The following AXL variants were observed in gnomAD, a reference collection of about 807,000 sequenced individuals.
The protein encoded by AXL is tyrosine-protein kinase receptor UFO.
Under a neutral mutation model 104.5 loss-of-function variants are expected in AXL, and 52 were observed. The ratio of observed to expected loss-of-function variants is 0.50; its 90% CI spans 0.40 to 0.63. The LOEUF is 0.63. AXL is among the 20% of genes least tolerant of loss of function. AXL has a pLI of 0.00. For synonymous variants in AXL, 455 were observed against 473.7 expected (o/e 0.96, Z 0.51); for missense variants, 1,024 against 1,188.5 (o/e 0.86, Z 2.04).
At chr19:41,235,374 ATAGATAGATAGATAG>A (rs541591352) in intron 6 of AXL, among the ~76,000 whole-genome samples, 14,971 of 134,552 alleles carry the variant, frequency 0.11, 851 homozygotes, top group Non-Finnish European at 0.13. Context: ...AAATAAATAG[ATAGATAGATAGATAG>A]ATAGATAGAT....
rs144975771 is a variant in AXL, at chr19:41,244,451, A to T, written c.1537+744A>T. ...ATCTCCTCGTTTAACCCTCAGAGCA[A>T]CCCAAGGACACGGGTTTCTTTTTTC... On this transcript the variant is annotated intron_variant, in intron 12 of 19. Transcript: ENST00000301178. Among the ~76,000 whole-genome samples, 1,026 of 151,320 alleles carry T rather than the reference A, an allele frequency of 6.8e-3. 12 individuals are homozygous for T. The highest frequency in any genetic ancestry group is 0.023 in the African/African-American group (962 of 41,270).
chr19:41,222,923 AAAG>A (rs1482075667), intron 4 of AXL, among the ~76,000 whole-genome samples: 4 of 150,602 alleles, frequency 2.7e-5, no homozygotes, highest in African/African-American at 9.8e-5. Context: ...AAAAAAAAAA[AAAG>A]AAAGTGGGAG....
At chr19:41,227,508 C>T (rs2033903491) in intron 4 of AXL, among the ~76,000 whole-genome samples, 1 of 141,496 alleles carries the variant, frequency 7.1e-6, no homozygotes, top group Non-Finnish European at 1.5e-5. Flanking sequence ...TTTTTTTAGA[C>T]AGAGTCTCTC....
rs144179986 is a variant in AXL at position 41,248,573 on chromosome 19, C to T, written c.1597C>T (p.Arg533Trp). The T allele has an allele frequency of 1.7e-4, 282 of 1,613,948 alleles. No individual in the cohort carries two copies. The highest frequency in any genetic ancestry group is 2.3e-4 in the African/African-American group (17 of 74,884). ...KEKLRDVMVD[R>W]HKVALGKTLG... is the part of the protein sequence containing the mutation. ...GAAGCTGCGGGATGTGATGGTGGAC[C>T]GGCACAAGGTGGCCCTGGGGAAGAC... The change falls in exon 13 of 20, where the codon CGG becomes TGG. Residue 533 changes from arginine (R) to tryptophan (W), a missense_variant. Arg to Trp is a moderately radical substitution (Grantham distance 101, BLOSUM62 -3). Around this residue, in one of 5 missense-constraint regions of AXL, gnomAD observed 523 missense variants for 636.0 expected, o/e 0.82. Coordinates refer to ENST00000301178, the MANE Select transcript of AXL (RefSeq NM_021913.5).
At chr19:41,230,517 T>C (rs74388568) in intron 4 of AXL, among the ~76,000 whole-genome samples, 16,767 of 151,080 alleles carry the variant, frequency 0.11, 1,583 homozygotes, top group African/African-American at 0.25. Flanking sequence ...TGTGGCTGTG[T>C]GTCTTTGTGT....
chr19:41,235,600 C>T (rs986474614), intron 6 of AXL, among the ~76,000 whole-genome samples: 3 of 152,170 alleles, frequency 2.0e-5, no homozygotes, highest in Non-Finnish European at 4.4e-5. Context: ...CTAGGCTAAA[C>T]TGCCTCTGTG....
chr19:41,230,548 G>C (rs75242197), intron 4 of AXL, among the ~76,000 whole-genome samples: 16,730 of 151,044 alleles, frequency 0.11, 1,568 homozygotes, highest in African/African-American at 0.25. Context: ...CTGTGTGTCT[G>C]TGTGTATGAG....
intron 4 of AXL, among the ~76,000 whole-genome samples, chr19:41,228,404 A>G (rs1454980100): frequency 2.0e-5 from 3 of 152,088 alleles, no homozygotes; most frequent in African/African-American, 7.2e-5. Context: ...AATTACAAAA[A>G]TTAGCCGGGC....
chr19:41,257,571 T>G lies in AXL; in HGVS notation c.2275T>G (p.Tyr759Asp). 6.2e-7 allele frequency: 1 copy of G among 1,614,166 alleles called. No homozygotes were observed. Among genetic ancestry groups the G allele is most frequent in the Non-Finnish European group, 8.5e-7 (1 of 1,180,034 alleles). Residue 759 changes from tyrosine (Y) to aspartate (D), a missense_variant, in exon 19 of 20, where the codon TAT becomes GAT. By Grantham distance (160) the Tyr-to-Asp change is radical. Transcript: ENST00000301178. ...TCCGGGCGTGGAGAACAGCGAGATT[T>G]ATGACTATCTGCGCCAGGGAAATCG... ...PYPGVENSEI[Y>D]DYLRQGNRLK...
chr19:41,224,324 C>A (rs1225155713), intron 4 of AXL, among the ~76,000 whole-genome samples: 1 of 151,982 alleles, frequency 6.6e-6, no homozygotes, highest in African/African-American at 2.4e-5. Flanking sequence ...TGTTCCCTTG[C>A]AGAATCAGAA....
intron 4 of AXL, among the ~76,000 whole-genome samples, chr19:41,223,830 C>T (rs1184031362): frequency 6.6e-6 from 1 of 151,862 alleles, no homozygotes; most frequent in Admixed American, 6.6e-5. Context: ...GTGTGAGGAT[C>T]TGTGCATGTC....
intron 4 of AXL, among the ~76,000 whole-genome samples, chr19:41,222,496 C>A (rs900993271): frequency 1.3e-5 from 2 of 152,184 alleles, no homozygotes; most frequent in African/African-American, 4.8e-5. Flanking sequence ...CTCCGCCTCC[C>A]TCCACAACCG....
intron 8 of AXL, 143 bp from the exon 9 acceptor site, chr19:41,239,021 G>GA (rs1271199259): frequency 1.9e-5 from 18 of 946,010 alleles, no homozygotes; most frequent in African/African-American, 6.6e-5. Flanking sequence ...GAGGATGAGA[G>GA]ATGAAGGGGA....
chr19:41,231,704 A>G (rs1434611777), intron 6 of AXL, among the ~76,000 whole-genome samples: 1 of 152,148 alleles, frequency 6.6e-6, no homozygotes, highest in East Asian at 1.9e-4. Flanking sequence ...AGGTGGGCGG[A>G]TCACTTGAGG....
intron 6 of AXL, among the ~76,000 whole-genome samples, chr19:41,235,374 ATAGATAG>A (rs2034061188): frequency 1.3e-4 from 18 of 134,596 alleles, no homozygotes; most frequent in African/African-American, 4.5e-4. Context: ...AAATAAATAG[ATAGATAG>A]ATAGATAGAT....
chr19:41,260,363 G>A lies in AXL; in HGVS notation c.*459G>A. 6.7e-6 allele frequency: 1 copy of A among 149,140 alleles called. No individual in the cohort carries two copies. The highest frequency in any genetic ancestry group is 1.3e-5 in the Non-Finnish European group (1 of 75,066). The allele number at this position is 149,140 out of a possible 1,614,324, so 9.2% of individuals were successfully genotyped here. The stretch of plus-strand genomic sequence containing the variant: ...GTCTCACTGTGTCACCCAGGCTGGA[G>A]TGCAGTGGTGCAATCTCGCCTCACT... On this transcript the variant is annotated 3_prime_UTR_variant, in exon 20 of 20. Coordinates refer to ENST00000301178, the MANE Select transcript of AXL (RefSeq NM_021913.5).
intron 6 of AXL, among the ~76,000 whole-genome samples, chr19:41,233,867 G>A (rs933594868): frequency 2.0e-5 from 3 of 151,912 alleles, no homozygotes; most frequent in Non-Finnish European, 4.4e-5. Flanking sequence ...CCCCAGGAAA[G>A]CAGAAGTGTG....
rs1055125104 is a variant in AXL at position 41,260,735 on chromosome 19, G to T, written c.*831G>T. On this transcript the variant is annotated 3_prime_UTR_variant, in exon 20 of 20. Coordinates refer to ENST00000301178, the MANE Select transcript of AXL (RefSeq NM_021913.5). ...TAAGATTCTGATTTTAGGAGCTAAG[G>T]CTCTATGAGTCTAGATGTTTATTCT... The T allele has an allele frequency of 3.3e-5, 5 of 152,156 alleles. No homozygotes were observed. The highest frequency in any genetic ancestry group is 6.5e-5 in the Admixed American group (1 of 15,278). The allele number at this position is 152,156 out of a possible 1,614,324, so 9.4% of individuals were successfully genotyped here.
Position 41,220,727 on chromosome 19 carries a change from G to C in AXL, c.177G>C (p.Gln59His), listed in dbSNP as rs1377477712. 3.7e-6 allele frequency: 6 copies of C among 1,613,974 alleles called. No individual in the cohort carries two copies. The highest frequency in any genetic ancestry group is 1.6e-4 in the Middle Eastern group (1 of 6,084). ...CGGGCACCCTTCGGTGTCAGCTCCA[G>C]GTTCAGGGAGAGCCCCCCGAGGTAC... ...GLTGTLRCQL[Q>H]VQGEPPEVHW... The change falls in exon 2 of 20, where the codon CAG becomes CAC. Residue 59 changes from glutamine (Q) to histidine (H), a missense_variant. Physicochemically the swap from Gln to His is conservative, Grantham distance 24 (BLOSUM62 0). Around this residue, in one of 5 missense-constraint regions of AXL, gnomAD observed 124 missense variants for 115.5 expected, o/e 1.07. Coordinates refer to ENST00000301178, the MANE Select transcript of AXL (RefSeq NM_021913.5).
Sources: allele counts gnomAD v4.1 joint callset (sites outside exome capture counted in the v4.1 genomes callset), GRCh38; gene constraint gnomAD v4.1.1; regional missense constraint gnomAD v4.1.1; transcripts MANE v1.5; gene names NCBI Gene and HGNC (gene_info 2026-07-23, HGNC 2026-07-21).